The following ZFYVE21 variants were observed in gnomAD, a reference collection of about 807,000 sequenced individuals.
The protein encoded by ZFYVE21 is zinc finger FYVE-type containing 21, also known as zinc finger FYVE domain-containing protein 21.
ZFYVE21 carries 21 observed loss-of-function variants against 29.5 expected under a neutral mutation model. The observed-to-expected ratio is 0.71, with a 90% CI of 0.50 to 1.02. The LOEUF (loss-of-function observed/expected upper bound fraction) is 1.02, where lower values mean the gene tolerates loss of function less well. ZFYVE21 is among the 50% of genes least tolerant of loss of function. ZFYVE21 has a pLI of 0.00. For missense variants in ZFYVE21, 326 were observed against 335.4 expected (o/e 0.97, Z 0.22); for synonymous variants, 151 against 133.8 (o/e 1.13, Z -0.89).
At chr14:103,718,507 A>G (rs1176992468) in intron 1 of ZFYVE21, among the ~76,000 whole-genome samples, 1 of 152,236 alleles carries the variant, frequency 6.6e-6, no homozygotes, top group African/African-American at 2.4e-5. Context: ...CCTCCTCAGG[A>G]ACCTGTGGGG....
chr14:103,719,896 T>C (rs2151950594), intron 1 of ZFYVE21, among the ~76,000 whole-genome samples: 1 of 152,172 alleles, frequency 6.6e-6, no homozygotes, highest in South Asian at 2.1e-4. Context: ...TAGGTAAAAC[T>C]GAGACTTTGA....
intron 1 of ZFYVE21, 160 bp from the exon 2 acceptor site, chr14:103,726,632 C>A: frequency 2.3e-6 from 2 of 865,482 alleles, no homozygotes; most frequent in Non-Finnish European, 3.7e-6. Flanking sequence ...TGGGCACAGG[C>A]GGCCAGTCCA....
In ZFYVE21 at chr14:103,728,137, G is replaced by T. The variant is rs2083945569; in HGVS notation, c.358+223G>T. On this transcript the variant is annotated intron_variant, in intron 3 of 6. Transcript: ENST00000311141. ...AAAATGTTGGTGCTGACTCCGCTGG[G>T]CACGTCCATCAGGTGGGAGGGGAGG... The T allele has an allele frequency of 8.1e-6, 4 of 493,630 alleles. No homozygotes were observed. The African/African-American group carries it at 8.1e-5, about 10-fold the overall frequency. 30.6% of individuals were successfully genotyped at this position (493,630 alleles called of 1,614,324 possible).
At chr14:103,720,539 G>A (rs10143623) in intron 1 of ZFYVE21, among the ~76,000 whole-genome samples, 45,214 of 152,014 alleles carry the variant, frequency 0.3, 7,248 homozygotes, top group Non-Finnish European at 0.37. Context: ...TCCATGTCCA[G>A]CCTGTGTCCT....
intron 2 of ZFYVE21, chr14:103,727,311 C>A (rs1026038784): frequency 5.5e-6 from 2 of 366,802 alleles, no homozygotes; most frequent in African/African-American, 4.3e-5. Context: ...CTGATTCTGC[C>A]GGACGCTATG....
At chr14:103,726,762 C>T (rs2295151) in intron 1 of ZFYVE21, 30 bp from the exon 2 acceptor site, 3 of 1,613,010 alleles carry the variant, frequency 1.9e-6, no homozygotes, top group South Asian at 1.1e-5. Flanking sequence ...GACCAAGCTG[C>T]GTTTTAACGC....
At chr14:103,727,637 G>A in intron 2 of ZFYVE21, 109 bp from the exon 3 acceptor site, 1 of 1,431,924 alleles carries the variant, frequency 7.0e-7, no homozygotes, top group Non-Finnish European at 9.6e-7. Flanking sequence ...GCCGGCACAG[G>A]GGCCTCGCGT....
Position 103,715,914 on chromosome 14 carries a change from C to T in ZFYVE21, c.73C>T (p.Pro25Ser), listed in dbSNP as rs1438585469. ...CTCCCCGAGCGGCCTGCGCATGGTG[C>T]CCGAACACCGCGCCTTCGGAAGCCC... The part of the protein sequence containing the change: ...VRSPSGLRMV[P>S]EHRAFGSPFG... The change falls in exon 1 of 7, where the codon CCC becomes TCC. Residue 25 changes from proline to serine, a missense_variant. Coordinates refer to ENST00000311141, the MANE Select transcript of ZFYVE21 (RefSeq NM_024071.4). The T allele has an allele frequency of 7.0e-7, 1 of 1,435,640 alleles. No homozygotes were observed. Among genetic ancestry groups the T allele is most frequent in the South Asian group, 1.3e-5 (1 of 75,474 alleles). The allele number at this position is 1,435,640 out of a possible 1,614,324, so 88.9% of individuals were successfully genotyped here.
In ZFYVE21 at chr14:103,727,883, C is replaced by G; in HGVS notation, c.327C>G (p.Phe109Leu). The G allele has an allele frequency of 1.9e-6, 3 of 1,612,886 alleles. No individual in the cohort carries two copies. The highest frequency in any genetic ancestry group is 2.5e-6 in the Non-Finnish European group (3 of 1,179,624). ...CALVSLKEAE[F>L]YDKQLKVLLS... is the part of the protein sequence containing the mutation. The stretch of plus-strand genomic sequence containing the variant: ...TCGTGTCCCTCAAGGAGGCGGAGTT[C>G]TACGACAAGCAGCTCAAAGTGCTCC... The change falls in exon 3 of 7, where the codon TTC (phenylalanine) becomes TTG (leucine). Residue 109 changes from phenylalanine (F) to leucine (L), a missense_variant. Coordinates refer to ENST00000311141, the MANE Select transcript of ZFYVE21 (RefSeq NM_024071.4).
At position 103,727,734 on chromosome 14, in the gene ZFYVE21, G is replaced by C. The variant is rs1019658008; in HGVS notation, c.190-12G>C. The C allele has an allele frequency of 1.2e-6, 2 of 1,602,348 alleles. No homozygotes were observed. The highest frequency in any genetic ancestry group is 1.7e-6 in the Non-Finnish European group (2 of 1,178,054). On this transcript the variant is annotated splice_polypyrimidine_tract_variant and intron_variant, in intron 2 of 6. Coordinates refer to ENST00000311141, the MANE Select transcript of ZFYVE21 (RefSeq NM_024071.4). ...GCCCCTCCTCACTGCCAATCCTCCC[G>C]CATCTGCCCAGCACCACTGTCGCCG...
At chr14:103,719,779 G>A (rs765005708) in intron 1 of ZFYVE21, among the ~76,000 whole-genome samples, 3 of 152,162 alleles carry the variant, frequency 2.0e-5, no homozygotes, top group Non-Finnish European at 4.4e-5. Context: ...GATACTGCCA[G>A]GGACACCAGC....
rs1391594295 is a variant in ZFYVE21, at chr14:103,732,688, C to G, written c.595C>G (p.Leu199Val). ...TVPGTEGVTQ[L>V]KLTVVEDVTV... Reference sequence around the variant, plus strand: ...GCCGGGGACGGAGGGTGTGACCCAGCTGAAGCTGACAGTGGTGGAGGACGT... The same window carrying G: ...GCCGGGGACGGAGGGTGTGACCCAGGTGAAGCTGACAGTGGTGGAGGACGT... Residue 199 changes from leucine to valine, a missense_variant, in exon 6 of 7, where the codon CTG becomes GTG. Transcript: ENST00000311141. 1 of 1,613,152 alleles carries G rather than the reference C, an allele frequency of 6.2e-7. No homozygotes were observed. Among genetic ancestry groups the G allele is most frequent in the African/African-American group, 1.3e-5 (1 of 74,960 alleles).
Position 103,716,361 on chromosome 14 carries a change from A to G in ZFYVE21, c.138+382A>G, listed in dbSNP as rs2083811250. 6.6e-6 allele frequency among the ~76,000 whole-genome samples: 1 copy of G among 151,654 alleles called. No homozygotes were observed. The highest frequency in any genetic ancestry group is 2.4e-5 in the African/African-American group (1 of 41,172). ...TCCCGAGAGCTGGGGCTCGCTCCCG[A>G]GAAAGTGGAAGGCGGAGCGCCTTCC... On this transcript the variant is annotated intron_variant, in intron 1 of 6. Transcript: ENST00000311141. This position sits in a 1 kb window ranked among gnomAD's most constrained non-coding sequence, Gnocchi z 4.8.
intron 1 of ZFYVE21, among the ~76,000 whole-genome samples, chr14:103,717,474 C>G (rs1217105163): frequency 6.6e-6 from 1 of 152,236 alleles, no homozygotes; most frequent in Non-Finnish European, 1.5e-5. Context: ...ACTGATCTTA[C>G]GGTTCTGTTT....
chr14:103,728,984 G>T lies in ZFYVE21; in HGVS notation c.434+1G>T, dbSNP rs1170599140. 6.2e-7 allele frequency: 1 copy of T among 1,613,964 alleles called. No homozygotes were observed. Among genetic ancestry groups the T allele is most frequent in the African/African-American group, 1.3e-5 (1 of 74,972 alleles). On this transcript the variant is annotated splice_donor_variant, in intron 4 of 6. Transcript: ENST00000311141. LOFTEE classifies it high-confidence loss of function. ...CTTGTCGTCTTTCCAATAACCAGAG[G>T]TAAGAGCCGGATCCTGCTTGGCACG...
At chr14:103,728,740 A>G (rs946194127) in intron 3 of ZFYVE21, 168 bp from the exon 4 acceptor site, 4 of 650,916 alleles carry the variant, frequency 6.1e-6, no homozygotes, top group African/African-American at 5.5e-5. Flanking sequence ...CCCTTGATCC[A>G]TGACTGCCTT....
chr14:103,729,684 A>C, intron 5 of ZFYVE21: 2 of 1,355,166 alleles, frequency 1.5e-6, no homozygotes, highest in Non-Finnish European at 2.0e-6. Flanking sequence ...GTTATCTGCA[A>C]ACTGTGCTGA....
intron 1 of ZFYVE21, among the ~76,000 whole-genome samples, chr14:103,721,452 C>T (rs545849512): frequency 3.3e-5 from 5 of 152,348 alleles, no homozygotes; most frequent in East Asian, 3.9e-4. Context: ...TGCAAGGTGG[C>T]CACGGAGGCC....
In ZFYVE21 at chr14:103,727,766, G is replaced by A. The variant is rs1444207829; in HGVS notation, c.210G>A (p.Gly70=). The A allele has an allele frequency of 1.2e-6, 2 of 1,610,160 alleles. No individual in the cohort carries two copies. Among genetic ancestry groups the A allele is most frequent in the African/African-American group, 2.7e-5 (2 of 75,058 alleles). Residue 70 remains glycine, a synonymous_variant, in exon 3 of 7, where the codon GGG becomes GGA. Coordinates refer to ENST00000311141, the MANE Select transcript of ZFYVE21 (RefSeq NM_024071.4). ...LTRKHHCRRC[G]KCFCDRCCSQ... ...CCCAGCACCACTGTCGCCGCTGCGGGAAGTGCTTCTGCGACAGGTGCTGCA... is the reference window on the plus strand; with the variant it reads ...CCCAGCACCACTGTCGCCGCTGCGGAAAGTGCTTCTGCGACAGGTGCTGCA...
Sources: allele counts gnomAD v4.1 joint callset (sites outside exome capture counted in the v4.1 genomes callset), GRCh38; gene constraint gnomAD v4.1.1; non-coding constraint Gnocchi (gnomAD v3.1); transcripts MANE v1.5; gene names NCBI Gene and HGNC (gene_info 2026-07-23, HGNC 2026-07-21).